Variants in EPM2A observed in about 807,000 individuals in gnomAD.
The protein encoded by EPM2A is EPM2A glucan phosphatase, laforin.
A neutral mutation model predicts 26.5 loss-of-function variants in EPM2A; 21 were observed. That is an observed-to-expected ratio of 0.79 (90% CI 0.56 to 1.14). The LOEUF (loss-of-function observed/expected upper bound fraction) is 1.14. Among genes scored for constraint, EPM2A ranks in the 50% most tolerant of loss-of-function variants. The pLI, the probability that EPM2A is intolerant of heterozygous loss-of-function variation, is 0.00. For missense variants in EPM2A, 458 were observed against 440.8 expected, an observed-to-expected ratio of 1.04 and a Z score of -0.35; for synonymous variants, 217 against 177.6, an observed-to-expected ratio of 1.22 and a Z score of -1.76.
chr6:145,696,772 GGTATGTGTGTGTGTGT>G (rs1276378480), intron 1 of EPM2A, among the ~76,000 whole-genome samples: 53 of 110,798 alleles, frequency 4.8e-4, no homozygotes, highest in African/African-American at 1.8e-3. Context: ...CACAGGTAGG[GGTATGTGTGTGTGTGT>G]GTGTGTGTGT....
intron 1 of EPM2A, among the ~76,000 whole-genome samples, chr6:145,699,450 T>C (rs1781794399): frequency 6.6e-6 from 1 of 152,108 alleles, no homozygotes; most frequent in South Asian, 2.1e-4. Context: ...CATATGAATG[T>C]AGAAAACTAA....
intron 2 of EPM2A, among the ~76,000 whole-genome samples, chr6:145,667,457 A>C (rs1562464683): frequency 1.4e-5 from 2 of 146,482 alleles, no homozygotes; most frequent in Non-Finnish European, 3.0e-5. Context: ...AATCAAAACC[A>C]CAATGAGATA....
At chr6:145,499,331 T>C (rs2114749330), downstream of EPM2A, among the ~76,000 whole-genome samples, 1 of 152,336 alleles carries the variant, frequency 6.6e-6, no homozygotes, top group South Asian at 2.1e-4. Context: ...TTTTCCTAAT[T>C]CATTCTGTTC....
intron 4 of EPM2A, among the ~76,000 whole-genome samples, chr6:145,401,210 T>C (rs1778481419): frequency 6.6e-6 from 1 of 151,964 alleles, no homozygotes; most frequent in Admixed American, 6.6e-5. Context: ...CAAAAAAAAT[T>C]AATGTAATCA....
intron 3 of EPM2A, chr6:145,628,789 G>T (rs928791620): frequency 6.6e-6 from 1 of 152,218 alleles, no homozygotes; most frequent in Non-Finnish European, 1.5e-5. Context: ...TTCACCTGGG[G>T]ATCTGCCGTG....
At chr6:145,638,162 T>C (rs1051094337) in intron 2 of EPM2A, 1 of 152,206 alleles carries the variant, frequency 6.6e-6, no homozygotes, top group Non-Finnish European at 1.5e-5. Flanking sequence ...TTCTTGAATA[T>C]TGCACTCTTT....
chr6:145,725,094 C>G (rs528153719), intron 1 of EPM2A, among the ~76,000 whole-genome samples: 4 of 151,922 alleles, frequency 2.6e-5, no homozygotes, highest in South Asian at 4.2e-4. Context: ...AGACTTGTAT[C>G]CAAAATATAC....
intron 2 of EPM2A, among the ~76,000 whole-genome samples, chr6:145,647,634 T>G (rs1777576548): frequency 6.6e-6 from 1 of 151,858 alleles, no homozygotes; most frequent in Non-Finnish European, 1.5e-5. Flanking sequence ...CACTTAACAT[T>G]GCATCCAGCA....
At chr6:145,593,922 C>T (rs186739437) in intron 2 of EPM2A, among the ~76,000 whole-genome samples, 244 of 150,886 alleles carry the variant, frequency 1.6e-3, no homozygotes, top group Middle Eastern at 6.8e-3. Flanking sequence ...CAAACTAAAG[C>T]GAAAATCAAA....
chr6:145,621,772 C>T (rs1775639645), downstream of EPM2A, among the ~76,000 whole-genome samples: 1 of 152,022 alleles, frequency 6.6e-6, no homozygotes, highest in Admixed American at 6.6e-5. Context: ...GGTCCTGTGC[C>T]CATTTTTAGA....
intron 2 of EPM2A, among the ~76,000 whole-genome samples, chr6:145,606,182 A>C (rs1562400321): frequency 6.6e-6 from 1 of 152,128 alleles, no homozygotes; most frequent in East Asian, 1.9e-4. Flanking sequence ...CACAATTGCT[A>C]TGGTTCTTGT....
At chr6:145,672,640 A>G (rs1243742854) in intron 2 of EPM2A, among the ~76,000 whole-genome samples, 1 of 152,260 alleles carries the variant, frequency 6.6e-6, no homozygotes, top group Admixed American at 6.5e-5. Context: ...CTAGCAAAAG[A>G]CGAGGTTTAT....
chr6:145,601,495 A>G (rs950063836), intron 2 of EPM2A, among the ~76,000 whole-genome samples: 8 of 152,204 alleles, frequency 5.3e-5, no homozygotes, highest in African/African-American at 1.9e-4. Flanking sequence ...AAGAACTTAC[A>G]GGTCTTAAAG....
At chr6:145,641,400 G>A (rs1777077377) in intron 2 of EPM2A, 1 of 152,188 alleles carries the variant, frequency 6.6e-6, no homozygotes, top group South Asian at 2.1e-4. Flanking sequence ...TCAAACAGAT[G>A]CTGCCACTCA....
At chr6:145,498,650 G>C (rs943533643), downstream of EPM2A, among the ~76,000 whole-genome samples, 3 of 152,166 alleles carry the variant, frequency 2.0e-5, no homozygotes, top group Non-Finnish European at 4.4e-5. Context: ...GCCTGCATGG[G>C]CTGTCACTCT....
chr6:145,626,583 T>C lies in EPM2A; in HGVS notation c.*833A>G, dbSNP rs1775825649. The stretch of plus-strand genomic sequence containing the variant: ...GAAAGACAAAACTAAATGCACTACA[T>C]GATGCTGGGAAAACAAGTTGTGATG... On this transcript the variant is annotated 3_prime_UTR_variant, in exon 4 of 4. Transcript: ENST00000367519. 1.0e-6 allele frequency: 1 copy of C among 985,226 alleles called. No homozygotes were observed. The highest frequency in any genetic ancestry group is 1.2e-4 in the East Asian group (1 of 8,620). 61.0% of individuals were successfully genotyped at this position (985,226 alleles called of 1,614,324 possible). A position where few individuals can be genotyped will look rare whatever the true frequency, so the allele number is the denominator to read the frequency against.
intron 1 of EPM2A, among the ~76,000 whole-genome samples, chr6:145,702,059 A>G (rs566162332): frequency 6.6e-6 from 1 of 152,180 alleles, no homozygotes; most frequent in South Asian, 2.1e-4. Context: ...CCAGGTTTCC[A>G]ATCATCTCTG....
chr6:145,395,578 C>T (rs551983442), intron 4 of EPM2A, among the ~76,000 whole-genome samples: 1 of 152,228 alleles, frequency 6.6e-6, no homozygotes, highest in African/African-American at 2.4e-5. Context: ...CCCTTCTCAC[C>T]CTGCACCACA....
intron 4 of EPM2A, among the ~76,000 whole-genome samples, chr6:145,414,640 T>C (rs1331321875): frequency 6.6e-6 from 1 of 152,056 alleles, no homozygotes; most frequent in Non-Finnish European, 1.5e-5. Flanking sequence ...AGGCAGAGAG[T>C]CCTGTGTTAA....
Sources: gnomAD v4.1 joint callset for allele counts (sites outside exome capture counted in the v4.1 genomes callset) on GRCh38, gnomAD v4.1.1 for gene constraint, MANE v1.5 for transcripts, NCBI Gene and HGNC (gene_info 2026-07-23, HGNC 2026-07-21) for gene names.